Variants in PSD3 observed in about 807,000 individuals in gnomAD.
PSD3 encodes PH and SEC7 domain-containing protein 3.
Under a neutral mutation model 105.5 loss-of-function variants are expected in PSD3, and 49 were observed. The ratio of observed to expected loss-of-function variants is 0.46; its 90% confidence interval spans 0.37 to 0.59. The LOEUF (loss-of-function observed/expected upper bound fraction) is 0.59, where lower values mean the gene tolerates loss of function less well. Ranked by LOEUF, PSD3 falls within the 20% of genes least tolerant of loss-of-function variation. The pLI is 0.00. For synonymous variants in PSD3, 557 were observed against 457.8 expected, an observed-to-expected ratio of 1.22 and a Z score of -2.77; for missense variants, 1,561 against 1,263.8, an observed-to-expected ratio of 1.24 and a Z score of -3.57.
At chr8:19,022,061 G>T (rs1703990555) in intron 1 of PSD3, among the ~76,000 whole-genome samples, 1 of 152,184 alleles carries the variant, frequency 6.6e-6, no homozygotes, top group Non-Finnish European at 1.5e-5. Context: ...GTGAAGCAGG[G>T]ACAGGCATGT....
intron 12 of PSD3, among the ~76,000 whole-genome samples, chr8:18,591,436 A>G (rs903864270): frequency 2.6e-5 from 4 of 152,148 alleles, no homozygotes; most frequent in Admixed American, 6.5e-5. Flanking sequence ...GCTTGATGCA[A>G]TTGGGAGAAA....
chr8:18,730,760 T>C (rs1803688532), intron 9 of PSD3, among the ~76,000 whole-genome samples: 1 of 152,176 alleles, frequency 6.6e-6, no homozygotes, highest in Non-Finnish European at 1.5e-5. Flanking sequence ...GGAAGCCTTG[T>C]CTTAGAGTTT....
chr8:18,628,877 A>G (rs1806689686), intron 11 of PSD3, among the ~76,000 whole-genome samples: 1 of 152,006 alleles, frequency 6.6e-6, no homozygotes, highest in Middle Eastern at 3.2e-3. Context: ...ATCCTACACA[A>G]GAAAGGAAAA....
intron 9 of PSD3, among the ~76,000 whole-genome samples, chr8:18,719,602 C>A (rs190031626): frequency 7.2e-5 from 11 of 152,246 alleles, no homozygotes; most frequent in Admixed American, 7.2e-4. Flanking sequence ...TTTAGCTGAG[C>A]CCCTTGTTCA....
At chr8:19,046,903 A>G (rs970903359) in intron 1 of PSD3, among the ~76,000 whole-genome samples, 5 of 152,344 alleles carry the variant, frequency 3.3e-5, no homozygotes, top group African/African-American at 9.6e-5. Flanking sequence ...AAAATTCTCA[A>G]GTTTGCATCT....
intron 4 of PSD3, among the ~76,000 whole-genome samples, chr8:18,809,888 C>T (rs1423364194): frequency 1.3e-5 from 2 of 152,146 alleles, no homozygotes; most frequent in African/African-American, 4.8e-5. Context: ...ACACAAAAAC[C>T]CTCCTCTGTG....
intron 4 of PSD3, among the ~76,000 whole-genome samples, chr8:18,824,751 C>T (rs1462365420): frequency 6.6e-6 from 1 of 152,092 alleles, no homozygotes; most frequent in Non-Finnish European, 1.5e-5. Flanking sequence ...ATGGCTTTGT[C>T]AACACCTGAC....
chr8:18,907,212 C>T (rs1819903989), intron 2 of PSD3, among the ~76,000 whole-genome samples: 1 of 152,198 alleles, frequency 6.6e-6, no homozygotes, highest in South Asian at 2.1e-4. Flanking sequence ...CAACAGTGGA[C>T]AGTGATGTCC....
chr8:18,783,595 G>C (rs145285795), intron 8 of PSD3, among the ~76,000 whole-genome samples: 20 of 152,254 alleles, frequency 1.3e-4, no homozygotes, highest in African/African-American at 4.8e-4. Context: ...CAATTCATCA[G>C]CTGTATACCA....
chr8:18,587,400 T>C (rs17694984), intron 12 of PSD3, among the ~76,000 whole-genome samples: 5,334 of 146,900 alleles, frequency 0.036, 297 homozygotes, highest in East Asian at 0.23. Context: ...ATTTTCGTGA[T>C]ACCTTCATCA....
At position 18,801,386 on chromosome 8, in the gene PSD3, C is replaced by A. The variant is rs923577594; in HGVS notation, c.1911-4G>T. The A allele has an allele frequency of 3.7e-5, 58 of 1,547,112 alleles. 5 individuals carry two copies. Among genetic ancestry groups the A allele is most frequent in the Non-Finnish European group, 8.9e-7 (1 of 1,128,980 alleles). On this transcript the variant is annotated splice_region_variant and splice_polypyrimidine_tract_variant and intron_variant, in intron 6 of 15. Transcript: ENST00000327040. ...AGAGAATGCTTTAAAGAAATACCTA[C>A]AAGAGAATTAAAAATTTAAACAGTG...
intron 1 of PSD3, among the ~76,000 whole-genome samples, chr8:19,031,503 A>G (rs918014438): frequency 1.3e-5 from 2 of 152,200 alleles, no homozygotes; most frequent in African/African-American, 2.4e-5. Context: ...GTCCTTCTAT[A>G]ATATTTTCTG....
intron 2 of PSD3, chr8:18,886,869 G>A (rs1407329957): frequency 5.3e-5 from 8 of 152,230 alleles, no homozygotes; most frequent in African/African-American, 1.9e-4. Context: ...TCACAAAGGC[G>A]GAAGCAGCCT....
chr8:19,034,106 C>G (rs927167217), intron 1 of PSD3, among the ~76,000 whole-genome samples: 1 of 152,156 alleles, frequency 6.6e-6, no homozygotes, highest in African/African-American at 2.4e-5. Context: ...TGTAAAGGAT[C>G]TAATGGATCT....
At chr8:19,007,530 C>T (rs1031102570) in intron 1 of PSD3, among the ~76,000 whole-genome samples, 1 of 152,018 alleles carries the variant, frequency 6.6e-6, no homozygotes, top group Non-Finnish European at 1.5e-5. Context: ...TTGAACAATG[C>T]TGATTCAGGC....
At chr8:18,930,198 C>T (rs1821649034) in intron 2 of PSD3, among the ~76,000 whole-genome samples, 1 of 152,126 alleles carries the variant, frequency 6.6e-6, no homozygotes, top group Non-Finnish European at 1.5e-5. Context: ...GGGTAGGGGT[C>T]AAGAGAGCCC....
intron 9 of PSD3, among the ~76,000 whole-genome samples, chr8:18,658,849 T>C (rs752559779): frequency 3.9e-5 from 6 of 152,106 alleles, no homozygotes; most frequent in Non-Finnish European, 8.8e-5. Context: ...TCCAGGAATT[T>C]CTCTCTCATC....
chr8:18,741,856 A>T (rs1291881246), intron 9 of PSD3, among the ~76,000 whole-genome samples: 2 of 151,534 alleles, frequency 1.3e-5, no homozygotes, highest in Non-Finnish European at 1.5e-5. Context: ...TGAAATAGTG[A>T]CTGTTGCAAA....
chr8:18,940,698 T>A (rs11787095), intron 1 of PSD3, among the ~76,000 whole-genome samples: 32,037 of 152,122 alleles, frequency 0.21, 3,509 homozygotes, highest in African/African-American at 0.25. Flanking sequence ...GTTTCTTGAG[T>A]AATGGCACAT....
Sources: allele counts gnomAD v4.1 joint callset (sites outside exome capture counted in the v4.1 genomes callset), GRCh38; gene constraint gnomAD v4.1.1; transcripts MANE v1.5; gene names NCBI Gene and HGNC (gene_info 2026-07-23, HGNC 2026-07-21).